Variants in ADGRF5 observed in about 807,000 individuals in gnomAD.
ADGRF5 encodes the protein adhesion G protein-coupled receptor F5.
ADGRF5 carries 75 observed loss-of-function variants against 132.3 expected under a neutral mutation model. The ratio of observed to expected loss-of-function variants is 0.57; its 90% CI spans 0.47 to 0.69. The LOEUF is 0.69. ADGRF5 is among the 30% of genes least tolerant of loss of function. ADGRF5 has a pLI of 0.00. For missense variants in ADGRF5, 1,516 were observed against 1,630.6 expected (o/e 0.93, Z 1.21); for synonymous variants, 629 against 597.6 (o/e 1.05, Z -0.77).
chr6:46,929,235 C>T (rs1434589698), intron 1 of ADGRF5, among the ~76,000 whole-genome samples: 2 of 151,918 alleles, frequency 1.3e-5, no homozygotes, highest in South Asian at 2.1e-4. Flanking sequence ...AGCAAACTAT[C>T]GCAAGGACAA....
intron 11 of ADGRF5, 86 bp from the exon 12 acceptor site, chr6:46,869,178 A>T: frequency 6.5e-7 from 1 of 1,534,776 alleles, no homozygotes; most frequent in Non-Finnish European, 8.8e-7. Context: ...TATGACTGAA[A>T]CTTCAGAGAG....
rs613870 is a variant in ADGRF5, at chr6:46,858,771, G to A, written c.3132C>T (p.Asn1044=). Residue 1044 remains asparagine, a synonymous_variant, in exon 17 of 21, where the codon AAC becomes AAT. Transcript: ENST00000283296. ...AGGTGTGGCGCATATAAGAAGTCCG[G>A]TTCTTGGTCACCGATTTCCACACCA... ...EAVVWKSVTK[N]RTSYMRHTCI... 1,481,964 of 1,613,710 alleles carry A rather than the reference G, an allele frequency of 0.92. 685,645 individuals carry two copies. The highest frequency in any genetic ancestry group is 0.99 in the East Asian group (44,453 of 44,830).
intron 13 of ADGRF5, 32 bp from the exon 14 acceptor site, chr6:46,865,229 AC>A: frequency 6.6e-7 from 1 of 1,512,468 alleles, no homozygotes; most frequent in Non-Finnish European, 9.2e-7. Context: ...GAATTAAGTC[AC>A]AACATGAGTC....
chr6:46,944,018 G>T (rs1457994639), intron 1 of ADGRF5, among the ~76,000 whole-genome samples: 2 of 152,106 alleles, frequency 1.3e-5, no homozygotes, highest in Admixed American at 6.6e-5. Flanking sequence ...AAACAAAGCT[G>T]GTAGATATTT....
intron 1 of ADGRF5, among the ~76,000 whole-genome samples, chr6:46,917,403 A>G (rs1226980671): frequency 6.6e-6 from 1 of 152,224 alleles, no homozygotes; most frequent in Non-Finnish European, 1.5e-5. Flanking sequence ...GTAATTAGGC[A>G]TATGGACTCT....
intron 4 of ADGRF5, among the ~76,000 whole-genome samples, chr6:46,887,604 G>A (rs1581857178): frequency 6.6e-6 from 1 of 152,178 alleles, no homozygotes; most frequent in South Asian, 2.1e-4. Context: ...TTTGAAATAT[G>A]CGAATTCAAG....
chr6:46,917,893 A>G (rs1242521445), intron 1 of ADGRF5, among the ~76,000 whole-genome samples: 1 of 152,270 alleles, frequency 6.6e-6, no homozygotes, highest in Non-Finnish European at 1.5e-5. Context: ...AACTTCAAGT[A>G]TAATAATTAA....
chr6:46,898,216 T>C (rs1224449704), intron 3 of ADGRF5, among the ~76,000 whole-genome samples: 2 of 152,138 alleles, frequency 1.3e-5, no homozygotes, highest in Non-Finnish European at 2.9e-5. Flanking sequence ...AGGAAGACAT[T>C]CCTTTTACAG....
intron 1 of ADGRF5, among the ~76,000 whole-genome samples, chr6:46,945,372 A>C (rs1413555818): frequency 6.6e-6 from 1 of 152,244 alleles, no homozygotes; most frequent in African/African-American, 2.4e-5. Context: ...GAAAGAGAAC[A>C]AGATGTTATT....
At chr6:46,939,150 G>A (rs987653010) in intron 1 of ADGRF5, among the ~76,000 whole-genome samples, 7 of 152,302 alleles carry the variant, frequency 4.6e-5, no homozygotes, top group East Asian at 1.9e-4. Context: ...GATTACAGGC[G>A]TGAGCCACCA....
intron 6 of ADGRF5, among the ~76,000 whole-genome samples, chr6:46,883,170 C>G (rs1368125555): frequency 6.6e-6 from 1 of 152,152 alleles, no homozygotes; most frequent in Non-Finnish European, 1.5e-5. Context: ...GTTTGAGACC[C>G]TCTGTGCTCA....
At position 46,853,337 on chromosome 6, in the gene ADGRF5, T is replaced by A. The variant is rs1562126863; in HGVS notation, c.*655A>T. ...TCAGCCTTTTTTTCCTCCTCTTAGC[T>A]AAGAAGACATCAGGAAGATACTGCC... On this transcript the variant is annotated 3_prime_UTR_variant, in exon 21 of 21. Transcript: ENST00000283296. The A allele has an allele frequency of 6.6e-6, 1 of 152,118 alleles. No homozygotes were observed. The highest frequency in any genetic ancestry group is 2.4e-5 in the African/African-American group (1 of 41,430). 9.4% of individuals were successfully genotyped at this position (152,118 alleles called of 1,614,324 possible).
upstream of ADGRF5, among the ~76,000 whole-genome samples, chr6:46,925,713 C>T (rs1387945702): frequency 3.3e-5 from 5 of 152,190 alleles, no homozygotes; most frequent in Admixed American, 6.5e-5. Flanking sequence ...GCCAAGATTG[C>T]GCCATTGCAT....
At chr6:46,941,357 A>C (rs928898285) in intron 1 of ADGRF5, among the ~76,000 whole-genome samples, 2 of 151,098 alleles carry the variant, frequency 1.3e-5, no homozygotes, top group Non-Finnish European at 2.9e-5. Context: ...AGAGAAAGAG[A>C]GAAAAGGTGG....
At chr6:46,950,480 C>A (rs1353283834) in intron 1 of ADGRF5, among the ~76,000 whole-genome samples, 1 of 152,104 alleles carries the variant, frequency 6.6e-6, no homozygotes, top group Non-Finnish European at 1.5e-5. Context: ...TCTTGGCCAA[C>A]CTCCTCTTTT....
upstream of ADGRF5, among the ~76,000 whole-genome samples, chr6:46,925,041 C>T (rs1777180647): frequency 6.6e-6 from 1 of 152,134 alleles, no homozygotes; most frequent in Non-Finnish European, 1.5e-5. Flanking sequence ...TTATAAAATA[C>T]AAGTTATATA....
intron 1 of ADGRF5, among the ~76,000 whole-genome samples, chr6:46,927,431 G>T (rs1241012256): frequency 2.0e-5 from 3 of 152,056 alleles, no homozygotes; most frequent in Non-Finnish European, 4.4e-5. Context: ...CAGATCTTGT[G>T]TCTCTGCATC....
chr6:46,866,972 C>G lies in ADGRF5; in HGVS notation c.1787G>C (p.Gly596Ala), dbSNP rs1220663364. ...CGTATGGAAAGTAACTTTGTAGTCT[C>G]CATCCTCCTCTATGCAGCACTTGAT... ...HHIKCCIEED[G>A]DYKVTFHTGS... Residue 596 changes from glycine to alanine, a missense_variant, in exon 13 of 21, where the codon GGA becomes GCA. Around this residue, in one of 2 missense-constraint regions of ADGRF5, gnomAD observed 945 missense variants for 929.4 expected, o/e 1.02. Transcript: ENST00000283296. 18 of 1,613,708 alleles carry G rather than the reference C, an allele frequency of 1.1e-5. No individual in the cohort carries two copies. Among genetic ancestry groups the G allele is most frequent in the Middle Eastern group, 1.6e-4 (1 of 6,082 alleles).
intron 1 of ADGRF5, among the ~76,000 whole-genome samples, chr6:46,920,920 T>C (rs993046602): frequency 4.6e-5 from 7 of 152,146 alleles, no homozygotes; most frequent in Admixed American, 1.3e-4. Context: ...GATAAGAATA[T>C]AGTCAAGTAT....
Sources: gnomAD v4.1 joint callset for allele counts (sites outside exome capture counted in the v4.1 genomes callset) on GRCh38, gnomAD v4.1.1 for gene constraint, gnomAD v4.1.1 regional missense constraint, MANE v1.5 for transcripts, NCBI Gene and HGNC (gene_info 2026-07-23, HGNC 2026-07-21) for gene names.